Variants in DLGAP1 observed in about 807,000 individuals in gnomAD.
The protein encoded by DLGAP1 is DLG associated protein 1, also known as disks large-associated protein 1.
Under a neutral mutation model 90.8 loss-of-function variants are expected in DLGAP1, and 11 were observed. That is an observed-to-expected ratio of 0.12 (90% confidence interval 0.08 to 0.20). The LOEUF (loss-of-function observed/expected upper bound fraction) is 0.20, where lower values mean the gene tolerates loss of function less well. Ranked by LOEUF, DLGAP1 falls within the 10% of genes least tolerant of loss-of-function variation. DLGAP1 has a pLI of 1.00. For synonymous variants in DLGAP1, 558 were observed against 540.7 expected (o/e 1.03, Z -0.44); for missense variants, 1,050 against 1,333.8 (o/e 0.79, Z 3.31).
intron 12 of DLGAP1, among the ~76,000 whole-genome samples, chr18:3,500,136 CA>C (rs2049854503): frequency 6.6e-6 from 1 of 152,142 alleles, no homozygotes; most frequent in Non-Finnish European, 1.5e-5. Context: ...ATTCCAATCA[CA>C]GGGGCAGAAA....
At chr18:4,239,396 T>C (rs1465136819) in intron 1 of DLGAP1, among the ~76,000 whole-genome samples, 1 of 152,210 alleles carries the variant, frequency 6.6e-6, no homozygotes, top group Non-Finnish European at 1.5e-5. Context: ...AGAAAATCTT[T>C]TGTTTAGAAG....
intron 4 of DLGAP1, among the ~76,000 whole-genome samples, chr18:3,849,486 A>G (rs2069213167): frequency 6.6e-6 from 1 of 152,134 alleles, no homozygotes; most frequent in African/African-American, 2.4e-5. Flanking sequence ...TACTAGATGC[A>G]TAGGGGAGTG....
intron 7 of DLGAP1, among the ~76,000 whole-genome samples, chr18:3,626,484 C>T (rs1438519465): frequency 6.6e-6 from 1 of 151,026 alleles, no homozygotes; most frequent in East Asian, 2.0e-4. Context: ...GTCCCAGCTA[C>T]TCAGGAGGCT....
chr18:3,798,133 C>T (rs2066099764), intron 5 of DLGAP1, among the ~76,000 whole-genome samples: 1 of 152,178 alleles, frequency 6.6e-6, no homozygotes, highest in South Asian at 2.1e-4. Context: ...ACTAATATCC[C>T]CAGTCATTGA....
At chr18:3,700,860 C>T (rs760685115) in intron 7 of DLGAP1, among the ~76,000 whole-genome samples, 6 of 151,844 alleles carry the variant, frequency 4.0e-5, no homozygotes, top group East Asian at 1.9e-4. Context: ...CCGCCCACCT[C>T]GGCCTCCCAA....
chr18:3,676,481 C>A (rs545513918), intron 7 of DLGAP1, among the ~76,000 whole-genome samples: 2 of 152,250 alleles, frequency 1.3e-5, no homozygotes, highest in East Asian at 3.9e-4. Flanking sequence ...GTGTCCATGT[C>A]CTAAATTTTC....
chr18:3,635,412 T>C (rs774758904), intron 7 of DLGAP1, among the ~76,000 whole-genome samples: 1 of 151,506 alleles, frequency 6.6e-6, no homozygotes, highest in Non-Finnish European at 1.5e-5. Context: ...GTGCTGGGAT[T>C]ACAGGCGTGA....
chr18:4,181,532 C>A lies in DLGAP1; in HGVS notation c.-266-30245G>T, dbSNP rs550483251. ...TGTGAACAAGGAGAAGCACTACTAT[C>A]TTGGTTGAAAACACTCTTATTCGTA... On this transcript the variant is annotated intron_variant, in intron 1 of 12. Coordinates refer to ENST00000315677, the MANE Select transcript of DLGAP1 (RefSeq NM_004746.4). Among the ~76,000 whole-genome samples, 5 of 152,300 alleles carry A rather than the reference C, an allele frequency of 3.3e-5. No homozygotes were observed. The South Asian group carries it at 1.0e-3, about 32-fold the overall frequency.
chr18:3,778,728 C>T (rs971741616), intron 5 of DLGAP1, among the ~76,000 whole-genome samples: 6 of 152,094 alleles, frequency 3.9e-5, no homozygotes, highest in South Asian at 2.1e-4. Context: ...GGCATGGATA[C>T]GGGAAAGAGG....
intron 4 of DLGAP1, among the ~76,000 whole-genome samples, chr18:3,816,721 T>C (rs1004162367): frequency 5.9e-5 from 9 of 152,196 alleles, no homozygotes; most frequent in Non-Finnish European, 8.8e-5. Context: ...ACTAAAGTTA[T>C]GTAGCTCACT....
At chr18:3,656,410 A>G (rs2059485521) in intron 7 of DLGAP1, 2 of 360,722 alleles carry the variant, frequency 5.5e-6, no homozygotes, top group South Asian at 8.8e-5. Flanking sequence ...ATTTCTGTGT[A>G]TAAATTATAC....
chr18:4,267,427 G>A lies in DLGAP1; in HGVS notation c.-266-116140C>T, dbSNP rs551325960. Among the ~76,000 whole-genome samples the A allele has an allele frequency of 2.4e-4, 37 of 152,252 alleles. No individual in the cohort carries two copies. The South Asian group carries it at 7.5e-3, about 31-fold the overall frequency. On this transcript the variant is annotated intron_variant, in intron 1 of 12. Transcript: ENST00000315677. ...CAAATTACTTTGGTTAAACTCTACA[G>A]TTACATTGTCTGGTTATAAAATGCT... is the stretch of plus-strand genomic sequence containing the variant.
At chr18:4,121,717 C>T (rs766170001) in intron 2 of DLGAP1, among the ~76,000 whole-genome samples, 7 of 152,182 alleles carry the variant, frequency 4.6e-5, no homozygotes, top group Non-Finnish European at 1.0e-4. Context: ...CTCTCCCCTA[C>T]TGCAAGACCC....
At chr18:3,919,810 C>T (rs1453075213) in intron 3 of DLGAP1, among the ~76,000 whole-genome samples, 1 of 152,276 alleles carries the variant, frequency 6.6e-6, no homozygotes, top group East Asian at 1.9e-4. Flanking sequence ...CACACAGCAG[C>T]TAGTAAGTGA....
At chr18:3,997,663 T>A (rs949379611) in intron 3 of DLGAP1, among the ~76,000 whole-genome samples, 6 of 151,866 alleles carry the variant, frequency 4.0e-5, no homozygotes, top group Admixed American at 2.6e-4. Flanking sequence ...ACAAATATAA[T>A]TTAAAATTTT....
chr18:4,345,403 C>T (rs1450595700), intron 1 of DLGAP1, among the ~76,000 whole-genome samples: 1 of 152,200 alleles, frequency 6.6e-6, no homozygotes, highest in Admixed American at 6.5e-5. Flanking sequence ...TGGAAGTAAA[C>T]TTATATGCAC....
chr18:3,966,016 TA>T (rs1317985271), intron 3 of DLGAP1, among the ~76,000 whole-genome samples: 1 of 149,792 alleles, frequency 6.7e-6, no homozygotes, highest in Non-Finnish European at 1.5e-5. Context: ...GTTAACAATG[TA>T]GTTGTCAGAT....
At position 4,312,214 on chromosome 18, in the gene DLGAP1, A is replaced by G. The variant is rs534151001; in HGVS notation, c.-267+142792T>C. Among the ~76,000 whole-genome samples the G allele has an allele frequency of 1.3e-3, 198 of 152,354 alleles. 1 individual carries two copies. The highest frequency in any genetic ancestry group is 2.3e-3 in the Non-Finnish European group (154 of 68,044). ...ATTCAGTAATAAGAGTTTGCCACGT[A>G]CTGTTCTCAGTGATTATATACACAC... On this transcript the variant is annotated intron_variant, in intron 1 of 12. Transcript: ENST00000315677.
intron 1 of DLGAP1, among the ~76,000 whole-genome samples, chr18:4,387,835 G>A (rs2082261448): frequency 1.3e-5 from 2 of 151,838 alleles, no homozygotes; most frequent in Non-Finnish European, 2.9e-5. Context: ...GGAGGCTGAG[G>A]CAGGAGAATC....
Sources: allele counts gnomAD v4.1 joint callset (sites outside exome capture counted in the v4.1 genomes callset), GRCh38; gene constraint gnomAD v4.1.1; transcripts MANE v1.5; gene names NCBI Gene and HGNC (gene_info 2026-07-23, HGNC 2026-07-21).